Variants in TPR observed in about 807,000 individuals in gnomAD.
TPR encodes the protein translocated promoter region, nuclear basket protein, also known as nucleoprotein TPR.
A neutral mutation model predicts 316.1 loss-of-function variants in TPR; 51 were observed. The observed-to-expected ratio is 0.16, with a 90% CI of 0.13 to 0.20. TPR has a LOEUF of 0.20. Among genes scored for constraint, TPR ranks in the 10% least tolerant of loss-of-function variants. TPR has a pLI of 1.00. For missense variants in TPR, 2,272 were observed against 2,754.8 expected, an observed-to-expected ratio of 0.82 and a Z score of 3.92; for synonymous variants, 981 against 914.7, an observed-to-expected ratio of 1.07 and a Z score of -1.31.
At position 186,360,753 on chromosome 1, in the gene TPR, T is replaced by C. The variant is rs3737938; in HGVS notation, c.1099+12A>G. ...GTATTTCAACTCACTAACAAGCATC[T>C]ATTAGCCATACCTTTACGTTTTGTG... On this transcript the variant is annotated intron_variant, in intron 10 of 50. Transcript: ENST00000367478. 107 of 1,612,154 alleles carry C rather than the reference T, an allele frequency of 6.6e-5. No individual in the cohort carries two copies. In the East Asian group the frequency reaches 2.4e-3, roughly 36 times the overall value.
At chr1:186,324,973 T>G (rs1429477980) in intron 42 of TPR, among the ~76,000 whole-genome samples, 1 of 152,152 alleles carries the variant, frequency 6.6e-6, no homozygotes, top group Non-Finnish European at 1.5e-5. Context: ...CCTTTAAAAG[T>G]AAGAATAGTA....
Position 186,343,318 on chromosome 1 carries a change from A to C in TPR, c.3750+8T>G. The C allele has an allele frequency of 6.2e-7, 1 of 1,610,164 alleles. No homozygotes were observed. The highest frequency in any genetic ancestry group is 8.5e-7 in the Non-Finnish European group (1 of 1,178,992). On this transcript the variant is annotated splice_region_variant and intron_variant, in intron 27 of 50. Coordinates refer to ENST00000367478, the MANE Select transcript of TPR (RefSeq NM_003292.3). ...AACAAGTGCTTTCTTAAAGCTTAGT[A>C]TACCTACCTGGACTTTCTCCCTTTC...
intron 20 of TPR, among the ~76,000 whole-genome samples, chr1:186,350,894 T>C (rs1268036072): frequency 6.6e-6 from 1 of 152,106 alleles, no homozygotes. Flanking sequence ...AGAATACCTG[T>C]TACTCAAAGA....
chr1:186,373,066 G>A (rs560496534), intron 2 of TPR, among the ~76,000 whole-genome samples: 1 of 152,278 alleles, frequency 6.6e-6, no homozygotes, highest in South Asian at 2.1e-4. Flanking sequence ...AGACAGACAT[G>A]TGGGTCTAAC....
intron 50 of TPR, 191 bp downstream of exon 50, chr1:186,314,438 T>C (rs1410851227): frequency 2.5e-5 from 10 of 398,114 alleles, no homozygotes; most frequent in Non-Finnish European, 4.4e-5. Flanking sequence ...ATATTTATTA[T>C]ATATCTAAGG....
intron 13 of TPR, among the ~76,000 whole-genome samples, 160 bp downstream of exon 13, chr1:186,358,383 A>G (rs796109443): frequency 8.5e-5 from 13 of 152,292 alleles, no homozygotes; most frequent in African/African-American, 3.1e-4. Flanking sequence ...GGGAGGGGCT[A>G]TGAAAAGAAA....
rs1427874146 is a variant in TPR at position 186,322,513 on chromosome 1, C to T, written c.6366+5G>A. On this transcript the variant is annotated splice_donor_5th_base_variant and intron_variant, in intron 44 of 50. Coordinates refer to ENST00000367478, the MANE Select transcript of TPR (RefSeq NM_003292.3). Reference sequence around the variant, plus strand: ...ATTACTTTTACATAATGGGTAAGTACTTACCATGCCACCTATTCCTGGAGT... The same window carrying T: ...ATTACTTTTACATAATGGGTAAGTATTTACCATGCCACCTATTCCTGGAGT... 6.2e-7 allele frequency: 1 copy of T among 1,613,982 alleles called. No individual in the cohort carries two copies. The highest frequency in any genetic ancestry group is 1.1e-5 in the South Asian group (1 of 91,084).
At chr1:186,328,875 G>C (rs1658074554) in intron 39 of TPR, among the ~76,000 whole-genome samples, 1 of 152,036 alleles carries the variant, frequency 6.6e-6, no homozygotes, top group Non-Finnish European at 1.5e-5. Context: ...ACTATCAAAA[G>C]TTAAATGTCT....
At chr1:186,323,932 T>A in intron 42 of TPR, 62 bp from the exon 43 acceptor site, 2 of 1,441,022 alleles carry the variant, frequency 1.4e-6, no homozygotes, top group Non-Finnish European at 1.9e-6. Context: ...ACTTGGACAA[T>A]CCCTAGAAGT....
In TPR at chr1:186,334,538, T is replaced by TA. The variant is rs758629093; in HGVS notation, c.4974-6dup. On this transcript the variant is annotated splice_region_variant and splice_polypyrimidine_tract_variant and intron_variant, in intron 35 of 50. Coordinates refer to ENST00000367478, the MANE Select transcript of TPR (RefSeq NM_003292.3). ...GGTGGGTCTGATGTGCTGGCACTTATAGAGGAGAAAATGGAAGAATAATTA... is the reference window on the plus strand; with the variant it reads ...GGTGGGTCTGATGTGCTGGCACTTATAAGAGGAGAAAATGGAAGAATAATTA... 620 of 1,608,842 alleles carry TA rather than the reference T, an allele frequency of 3.9e-4. 2 individuals carry two copies. The highest frequency in any genetic ancestry group is 2.7e-3 in the Middle Eastern group (16 of 6,010).
At position 186,311,679 on chromosome 1, in the gene TPR, A is replaced by T. The variant is rs1253082068; in HGVS notation, c.*2292T>A. On this transcript the variant is annotated 3_prime_UTR_variant, in exon 51 of 51. Transcript: ENST00000367478. ...TTCATTTATTATTGACTTTACTGTC[A>T]AAAGATATCTTTAATGGCTGAAATC... 1 of 1,388,316 alleles carries T rather than the reference A, an allele frequency of 7.2e-7. No individual in the cohort carries two copies. Among genetic ancestry groups the T allele is most frequent in the Non-Finnish European group, 1.0e-6 (1 of 982,504 alleles). The allele number at this position is 1,388,316 out of a possible 1,614,324, so 86.0% of individuals were successfully genotyped here.
chr1:186,365,473 G>A (rs1322583172), intron 4 of TPR, among the ~76,000 whole-genome samples: 1 of 152,112 alleles, frequency 6.6e-6, no homozygotes, highest in African/African-American at 2.4e-5. Context: ...AACATGGAAG[G>A]TGTCAAAGCA....
chr1:186,316,418 G>A (rs1351673711), intron 49 of TPR, among the ~76,000 whole-genome samples: 2 of 152,144 alleles, frequency 1.3e-5, no homozygotes, highest in Non-Finnish European at 2.9e-5. Flanking sequence ...AGAATCAGGG[G>A]AAGAGATTTT....
intron 2 of TPR, among the ~76,000 whole-genome samples, chr1:186,371,449 C>G (rs1054249153): frequency 7.9e-5 from 12 of 152,170 alleles, no homozygotes; most frequent in Middle Eastern, 3.4e-3. Context: ...CATGTATATA[C>G]AGCAAATCAC....
intron 36 of TPR, among the ~76,000 whole-genome samples, 167 bp downstream of exon 36, chr1:186,334,158 G>A (rs148488486): frequency 1.3e-5 from 2 of 152,272 alleles, no homozygotes; most frequent in Admixed American, 1.3e-4. Context: ...GTCATTACAA[G>A]TGAAAATTTT....
At chr1:186,326,323 G>C in intron 40 of TPR, 88 bp from the exon 41 acceptor site, 1 of 1,520,488 alleles carries the variant, frequency 6.6e-7, no homozygotes, top group Non-Finnish European at 8.8e-7. Context: ...AGAAATTTAA[G>C]TGACTCATTA....
chr1:186,373,225 TCAC>T, intron 2 of TPR, 131 bp downstream of exon 2: 1 of 563,412 alleles, frequency 1.8e-6, no homozygotes. Context: ...AATCAAAATA[TCAC>T]CATAATAAAA....
At chr1:186,326,042 A>G in intron 41 of TPR, 62 bp downstream of exon 41, 1 of 1,603,936 alleles carries the variant, frequency 6.2e-7, no homozygotes, top group South Asian at 1.1e-5. Flanking sequence ...ATCCTTGGAA[A>G]ACAGCAAGTG....
chr1:186,315,220 AC>A (rs1231866946), intron 49 of TPR, among the ~76,000 whole-genome samples: 5,369 of 148,650 alleles, frequency 0.036, 370 homozygotes, highest in African/African-American at 0.13. Context: ...AAAAAAACAA[AC>A]AAACAAACAA....
Sources: gnomAD v4.1 joint callset for allele counts (sites outside exome capture counted in the v4.1 genomes callset) on GRCh38, gnomAD v4.1.1 for gene constraint, MANE v1.5 for transcripts, NCBI Gene and HGNC (gene_info 2026-07-23, HGNC 2026-07-21) for gene names.